Variants in AGL observed in about 807,000 individuals in gnomAD.
The protein encoded by AGL is glycogen debranching enzyme.
Under a neutral mutation model 199.3 loss-of-function variants are expected in AGL, and 128 were observed. The ratio of observed to expected loss-of-function variants is 0.64; its 90% CI spans 0.56 to 0.74. AGL has a LOEUF of 0.74. Ranked by LOEUF, AGL falls within the 30% of genes least tolerant of loss-of-function variation. The pLI is 0.00. For synonymous variants in AGL, 584 were observed against 594.7 expected (o/e 0.98, Z 0.26); for missense variants, 1,809 against 1,820.8 (o/e 0.99, Z 0.12).
At chr1:99,890,049 C>T (rs1329381869) in intron 21 of AGL, among the ~76,000 whole-genome samples, 1 of 152,128 alleles carries the variant, frequency 6.6e-6, no homozygotes. Flanking sequence ...TTTGGATCTG[C>T]TCCTTTCATC....
chr1:99,861,777 AC>A, intron 3 of AGL, 64 bp downstream of exon 3: 4 of 1,559,794 alleles, frequency 2.6e-6, no homozygotes, highest in Non-Finnish European at 2.6e-6. Flanking sequence ...AAGTCACCTA[AC>A]TTGTAAATGT....
intron 7 of AGL, 186 bp from the exon 8 acceptor site, chr1:99,874,501 G>A (rs566762106): frequency 1.4e-4 from 83 of 596,254 alleles, no homozygotes; most frequent in South Asian, 1.1e-3. Context: ...GTGTTTGCGC[G>A]TGCACGCACG....
At chr1:99,901,030 T>A (rs1447913646) in intron 26 of AGL, among the ~76,000 whole-genome samples, 169 bp downstream of exon 26, 1 of 152,116 alleles carries the variant, frequency 6.6e-6, no homozygotes, top group Non-Finnish European at 1.5e-5. Flanking sequence ...GGTCTTTGCC[T>A]GAAGAACTTT....
chr1:99,884,810 C>T (rs1300790354), intron 20 of AGL, 107 bp downstream of exon 20: 14 of 1,374,826 alleles, frequency 1.0e-5, no homozygotes, highest in East Asian at 6.9e-5. Flanking sequence ...ACTCAAAGTA[C>T]GGTCCAAGGA....
In AGL at chr1:99,900,638, A is replaced by G; in HGVS notation, c.3365A>G (p.Asn1122Ser). Residue 1122 changes from asparagine (N) to serine (S), a missense_variant and splice_region_variant, in exon 26 of 34, where the codon AAT (asparagine) becomes AGT (serine). Coordinates refer to ENST00000361915, the MANE Select transcript of AGL (RefSeq NM_000642.3). ...TCCACTTAATTCTGTTGTTTTAGGA[A>G]TATTATTTTAGCATTTGCGGGTACC... Reference protein sequence around the residue: ...LITGRYVEARNIILAFAGTLR... With the variant: ...LITGRYVEARSIILAFAGTLR... 7.4e-6 allele frequency: 12 copies of G among 1,612,864 alleles called. No homozygotes were observed. The highest frequency in any genetic ancestry group is 1.0e-5 in the Non-Finnish European group (12 of 1,178,888).
chr1:99,874,597 A>G, intron 7 of AGL, 90 bp from the exon 8 acceptor site: 2 of 1,289,316 alleles, frequency 1.6e-6, no homozygotes, highest in Non-Finnish European at 2.2e-6. Context: ...TTTCAGTGAA[A>G]AAATTATAGG....
intron 4 of AGL, 130 bp from the exon 5 acceptor site, chr1:99,864,256 C>A: frequency 1.2e-6 from 1 of 832,842 alleles, no homozygotes; most frequent in African/African-American, 1.7e-5. Context: ...AGTGTTTGAC[C>A]TCTTTTCCAG....
chr1:99,874,229 C>T lies in AGL; in HGVS notation c.959-458C>T, dbSNP rs537763794. Reference sequence around the variant, plus strand: ...TATTTGGTAGCACCGGGGAGGAAAACGGGTTCCACTAAAGTCCTTAAAGTG... The same window carrying T: ...TATTTGGTAGCACCGGGGAGGAAAATGGGTTCCACTAAAGTCCTTAAAGTG... On this transcript the variant is annotated intron_variant, in intron 7 of 33. Coordinates refer to ENST00000361915, the MANE Select transcript of AGL (RefSeq NM_000642.3). Among the ~76,000 whole-genome samples, 7 of 140,356 alleles carry T rather than the reference C, an allele frequency of 5.0e-5. No individual in the cohort carries two copies. In the South Asian group the frequency reaches 9.4e-4, roughly 19 times the overall value. The allele number at this position is 140,356 out of a possible 152,430, so 92.1% of individuals were successfully genotyped here.
chr1:99,879,813 A>G (rs1651858820), intron 12 of AGL, 110 bp from the exon 13 acceptor site: 2 of 844,888 alleles, frequency 2.4e-6, no homozygotes, highest in African/African-American at 1.7e-5. Flanking sequence ...ATCTTGCTGC[A>G]TATTTTTCTA....
rs2101136695 is a variant in AGL at position 99,877,774 on chromosome 1, T to C, written c.1557T>C (p.Tyr519=). ...MKKYTEITAT[Y]FQGVRLDNCH... is the part of the protein sequence containing the mutation. ...AATACACTGAAATAACTGCAACTTA[T>C]TTCCAGGGAGTACGTCTTGATAACT... The change falls in exon 12 of 34, where the codon TAT becomes TAC. Residue 519 remains tyrosine (Y), a synonymous_variant. Transcript: ENST00000361915. The C allele has an allele frequency of 1.2e-6, 2 of 1,614,102 alleles. No homozygotes were observed. The highest frequency in any genetic ancestry group is 1.7e-6 in the Non-Finnish European group (2 of 1,179,978).
intron 25 of AGL, among the ~76,000 whole-genome samples, chr1:99,899,524 C>T (rs991621568): frequency 4.4e-5 from 6 of 135,700 alleles, no homozygotes; most frequent in East Asian, 2.1e-4. Flanking sequence ...CTCTCTCTCT[C>T]TCTCTTTCTC....
chr1:99,881,631 G>T lies in AGL; in HGVS notation c.2248G>T (p.Ala750Ser), dbSNP rs139950099. The T allele has an allele frequency of 1.4e-4, 230 of 1,613,816 alleles. No individual in the cohort carries two copies. The highest frequency in any genetic ancestry group is 1.8e-4 in the Admixed American group (11 of 59,972). The change falls in exon 17 of 34, where the codon GCT becomes TCT. Residue 750 changes from alanine (A) to serine (S), a missense_variant. Ala to Ser is a moderately conservative substitution (Grantham distance 99). Transcript: ENST00000361915. ...GTCTGTTGTGGCTGTATCTAGAACT[G>T]CTTTCAGGAATCCCAAGACTTCATT... is the stretch of plus-strand genomic sequence containing the variant. ...HQSVVAVSRT[A>S]FRNPKTSFYS...
chr1:99,873,323 A>G (rs745475466), intron 7 of AGL, among the ~76,000 whole-genome samples: 1 of 152,000 alleles, frequency 6.6e-6, no homozygotes, highest in Non-Finnish European at 1.5e-5. Flanking sequence ...TACATCTGTT[A>G]TCTGTGCTCT....
chr1:99,868,378 G>T (rs185096959), intron 5 of AGL, among the ~76,000 whole-genome samples: 2 of 152,122 alleles, frequency 1.3e-5, no homozygotes, highest in African/African-American at 4.8e-5. Context: ...TTGGGAGGCC[G>T]TGGCGGATGG....
chr1:99,871,593 A>G (rs1268687512), intron 7 of AGL, among the ~76,000 whole-genome samples: 2 of 152,168 alleles, frequency 1.3e-5, no homozygotes. Flanking sequence ...ACAGAACTAG[A>G]GTAGGACTCA....
chr1:99,892,649 T>C, intron 24 of AGL, 42 bp downstream of exon 24: 1 of 1,576,168 alleles, frequency 6.3e-7, no homozygotes, highest in African/African-American at 1.3e-5. Flanking sequence ...AAATCGATAG[T>C]ATTCGCGGAA....
chr1:99,918,278 C>T (rs1052297250), intron 33 of AGL, among the ~76,000 whole-genome samples: 1 of 152,098 alleles, frequency 6.6e-6, no homozygotes, highest in African/African-American at 2.4e-5. Context: ...TGGTGTTTTT[C>T]ATTTCAACGT....
chr1:99,915,492 T>C lies in AGL; in HGVS notation c.4259+6T>C, dbSNP rs754324658. ...ATGAAAACTTTAGATCCAGAGTAAG[T>C]TGGAATATAAGTATTAAGAATGTTA... On this transcript the variant is annotated splice_donor_region_variant and intron_variant, in intron 31 of 33. Transcript: ENST00000361915. 6.3e-7 allele frequency: 1 copy of C among 1,590,204 alleles called. No homozygotes were observed. The highest frequency in any genetic ancestry group is 8.6e-7 in the Non-Finnish European group (1 of 1,158,272).
chr1:99,906,171 T>C (rs1654274784), intron 27 of AGL, among the ~76,000 whole-genome samples: 1 of 152,162 alleles, frequency 6.6e-6, no homozygotes, highest in African/African-American at 2.4e-5. Context: ...ACCACTATCC[T>C]ACTTTCTGCC....
Sources: gnomAD v4.1 joint callset for allele counts (sites outside exome capture counted in the v4.1 genomes callset) on GRCh38, gnomAD v4.1.1 for gene constraint, MANE v1.5 for transcripts, NCBI Gene and HGNC (gene_info 2026-07-23, HGNC 2026-07-21) for gene names.